Variants in FAM228A observed in about 807,000 individuals in gnomAD.
The protein encoded by FAM228A is protein FAM228A.
A neutral mutation model predicts 18.6 loss-of-function variants in FAM228A; 13 were observed. That is an observed-to-expected ratio of 0.70 (90% confidence interval 0.45 to 1.11). FAM228A has a LOEUF of 1.11. FAM228A is among the 50% of genes least tolerant of loss of function. The probability of loss-of-function intolerance (pLI) is 0.00; values close to 1 mark genes in which losing one functional copy is unlikely to be tolerated. For missense variants in FAM228A, 240 were observed against 242.2 expected, an observed-to-expected ratio of 0.99 and a Z score of 0.06; for synonymous variants, 77 against 86.6, an observed-to-expected ratio of 0.89 and a Z score of 0.61.
At chr2:24,187,403 A>G (rs1667975538) in intron 5 of FAM228A, among the ~76,000 whole-genome samples, 1 of 152,246 alleles carries the variant, frequency 6.6e-6, no homozygotes, top group Non-Finnish European at 1.5e-5. Flanking sequence ...GACATCCTGC[A>G]CCACAGTGGT....
At chr2:24,175,873 C>A (rs1446552076) in intron 2 of FAM228A, 11 of 1,106,142 alleles carry the variant, frequency 9.9e-6, no homozygotes, top group Non-Finnish European at 1.2e-5. Context: ...CATACTTCAG[C>A]GTCTGGTAAT....
At chr2:24,184,768 TTATAAC>T (rs1430679579) in intron 5 of FAM228A, among the ~76,000 whole-genome samples, 2 of 152,120 alleles carry the variant, frequency 1.3e-5, no homozygotes, top group Non-Finnish European at 2.9e-5. Flanking sequence ...AGTCAAATAT[TTATAAC>T]TAGTGCTTTT....
chr2:24,186,413 AGTG>A (rs1484885497), intron 5 of FAM228A, among the ~76,000 whole-genome samples: 1 of 152,152 alleles, frequency 6.6e-6, no homozygotes, highest in East Asian at 1.9e-4. Context: ...ACAAAGTTGA[AGTG>A]GTGAAAATTG....
At chr2:24,189,049 C>T (rs748307117) in intron 5 of FAM228A, among the ~76,000 whole-genome samples, 1 of 152,076 alleles carries the variant, frequency 6.6e-6, no homozygotes, top group Non-Finnish European at 1.5e-5. Flanking sequence ...TTACATAGCC[C>T]CCCCACCCCC....
chr2:24,191,511 A>G lies in FAM228A; in HGVS notation c.*880A>G, dbSNP rs969380063. On this transcript the variant is annotated 3_prime_UTR_variant, in exon 6 of 6. Transcript: ENST00000295150. Reference sequence around the variant, plus strand: ...GAGAGCACAGGGAGCTCCTCATTCCATGTATTTTTCAAATATTCAAGATGT... The same window carrying G: ...GAGAGCACAGGGAGCTCCTCATTCCGTGTATTTTTCAAATATTCAAGATGT... 4.9e-5 allele frequency: 48 copies of G among 984,560 alleles called. No individual in the cohort carries two copies. In the African/African-American group the frequency reaches 7.7e-4, roughly 16 times the overall value. The allele number at this position is 984,560 out of a possible 1,614,324, so 61.0% of individuals were successfully genotyped here.
At chr2:24,186,154 C>T (rs1558404880) in intron 5 of FAM228A, among the ~76,000 whole-genome samples, 1 of 151,988 alleles carries the variant, frequency 6.6e-6, no homozygotes, top group Non-Finnish European at 1.5e-5. Flanking sequence ...TGTGCACCAC[C>T]ACACCCGGCT....
At chr2:24,181,357 C>A (rs965496090) in intron 3 of FAM228A, among the ~76,000 whole-genome samples, 12 of 152,084 alleles carry the variant, frequency 7.9e-5, no homozygotes, top group Admixed American at 7.2e-4. Context: ...CCATTATAAT[C>A]CTGAAGTATA....
At chr2:24,181,908 G>A (rs987108842) in intron 3 of FAM228A, among the ~76,000 whole-genome samples, 10 of 152,296 alleles carry the variant, frequency 6.6e-5, no homozygotes, top group African/African-American at 2.4e-4. Context: ...TTTACACTGT[G>A]CACAAGGCAT....
chr2:24,190,845 C>T lies in FAM228A; in HGVS notation c.*214C>T, dbSNP rs1668067381. ...CTGGACCCCACTTTCCGGAGACATC[C>T]TGTCCTTCCGAGGTGAGGGCCAACC... On this transcript the variant is annotated 3_prime_UTR_variant, in exon 6 of 6. Transcript: ENST00000295150. The T allele has an allele frequency of 8.0e-7, 1 of 1,250,110 alleles. No individual in the cohort carries two copies. The highest frequency in any genetic ancestry group is 1.0e-6 in the Non-Finnish European group (1 of 994,684). 77.4% of individuals were successfully genotyped at this position (1,250,110 alleles called of 1,614,324 possible).
intron 5 of FAM228A, among the ~76,000 whole-genome samples, chr2:24,184,706 C>A (rs554748832): frequency 6.6e-6 from 1 of 152,174 alleles, no homozygotes; most frequent in Non-Finnish European, 1.5e-5. Context: ...GTCTGAGTCT[C>A]GCTCTGTCGT....
chr2:24,178,949 C>T (rs557331964), intron 3 of FAM228A, among the ~76,000 whole-genome samples: 1 of 152,346 alleles, frequency 6.6e-6, no homozygotes, highest in East Asian at 1.9e-4. Flanking sequence ...TCTCTTACTG[C>T]ACTTTATTCT....
intron 3 of FAM228A, among the ~76,000 whole-genome samples, chr2:24,182,650 C>T (rs1448129021): frequency 2.0e-5 from 3 of 152,076 alleles, no homozygotes; most frequent in African/African-American, 7.2e-5. Context: ...TCCTCCCAGG[C>T]TAAGTTAGCA....
chr2:24,190,687 C>A lies in FAM228A; in HGVS notation c.*56C>A, dbSNP rs1343371205. 1 of 1,487,924 alleles carries A rather than the reference C, an allele frequency of 6.7e-7. No individual in the cohort carries two copies. Among genetic ancestry groups the A allele is most frequent in the Non-Finnish European group, 8.9e-7 (1 of 1,119,846 alleles). The allele number at this position is 1,487,924 out of a possible 1,614,324, so 92.2% of individuals were successfully genotyped here. On this transcript the variant is annotated 3_prime_UTR_variant, in exon 6 of 6. Coordinates refer to ENST00000295150, the MANE Select transcript of FAM228A (RefSeq NM_001040710.3). ...GCACCCAAGGGCGGAGGAGGCATGGCCCAAGAAGAAGGGTGTGAAGAGGAG... is the reference window on the plus strand; with the variant it reads ...GCACCCAAGGGCGGAGGAGGCATGGACCAAGAAGAAGGGTGTGAAGAGGAG...
rs778409786 is a variant in FAM228A at position 24,190,408 on chromosome 2, A to T, written c.402-4A>T. On this transcript the variant is annotated splice_region_variant and splice_polypyrimidine_tract_variant and intron_variant, in intron 5 of 5. Coordinates refer to ENST00000295150, the MANE Select transcript of FAM228A (RefSeq NM_001040710.3). ...GAGACAATTTTTTCTGCTTTTCTTCACAGTCCTGAAAAGCTCATCTATGCA... is the reference window on the plus strand; with the variant it reads ...GAGACAATTTTTTCTGCTTTTCTTCTCAGTCCTGAAAAGCTCATCTATGCA... The T allele has an allele frequency of 8.2e-6, 13 of 1,590,002 alleles. No individual in the cohort carries two copies. Among genetic ancestry groups the T allele is most frequent in the Non-Finnish European group, 1.0e-5 (12 of 1,171,468 alleles).
At chr2:24,176,040 G>T (rs1488959581) in intron 2 of FAM228A, 2 of 985,292 alleles carry the variant, frequency 2.0e-6, no homozygotes, top group Non-Finnish European at 2.4e-6. Flanking sequence ...GAAAGCTGTG[G>T]ATTTCGAAAA....
At chr2:24,187,753 G>T (rs1004499288) in intron 5 of FAM228A, among the ~76,000 whole-genome samples, 2 of 152,200 alleles carry the variant, frequency 1.3e-5, no homozygotes, top group Non-Finnish European at 2.9e-5. Flanking sequence ...TAGGTTGGCA[G>T]TTATTTTCTT....
chr2:24,182,022 G>A (rs1343737819), intron 3 of FAM228A, among the ~76,000 whole-genome samples: 13 of 152,144 alleles, frequency 8.5e-5, no homozygotes, highest in East Asian at 7.7e-4. Flanking sequence ...GGAGCGTGGC[G>A]AGTGTCACAG....
In FAM228A at chr2:24,191,318, G is replaced by T. The variant is rs1366012958; in HGVS notation, c.*687G>T. ...ACCCTCACCACCACACACACAGGAT[G>T]GGGGACTGCTGCTGCTTTCCAGCCT... On this transcript the variant is annotated 3_prime_UTR_variant, in exon 6 of 6. Coordinates refer to ENST00000295150, the MANE Select transcript of FAM228A (RefSeq NM_001040710.3). 1.0e-6 allele frequency: 1 copy of T among 985,716 alleles called. No homozygotes were observed. Among genetic ancestry groups the T allele is most frequent in the Non-Finnish European group, 1.2e-6 (1 of 830,170 alleles). The allele number at this position is 985,716 out of a possible 1,614,324, so 61.1% of individuals were successfully genotyped here.
chr2:24,175,473 T>C lies in FAM228A; in HGVS notation c.-8T>C. The C allele has an allele frequency of 6.2e-7, 1 of 1,612,648 alleles. No homozygotes were observed. The highest frequency in any genetic ancestry group is 2.2e-5 in the East Asian group (1 of 44,884). Reference sequence around the variant, plus strand: ...TTACCTTTTCATCCCTCAGGGATTCTCCTGTCCATGGCTGCCACCAAAACT... The same window carrying C: ...TTACCTTTTCATCCCTCAGGGATTCCCCTGTCCATGGCTGCCACCAAAACT... On this transcript the variant is annotated 5_prime_UTR_variant, in exon 2 of 6. Coordinates refer to ENST00000295150, the MANE Select transcript of FAM228A (RefSeq NM_001040710.3).
Sources: allele counts gnomAD v4.1 joint callset (sites outside exome capture counted in the v4.1 genomes callset), GRCh38; gene constraint gnomAD v4.1.1; transcripts MANE v1.5; gene names NCBI Gene and HGNC (gene_info 2026-07-23, HGNC 2026-07-21).